TTC28: variants seen among roughly 807,000 people sequenced by gnomAD.
The protein encoded by TTC28 is tetratricopeptide repeat domain 28.
In TTC28, 61 loss-of-function variants were observed where a neutral mutation model predicts 198.0. The ratio of observed to expected loss-of-function variants is 0.31; its 90% CI spans 0.25 to 0.38. The LOEUF is 0.38. TTC28 is among the 10% of genes least tolerant of loss of function. The pLI is 1.00. For missense variants in TTC28, 2,678 were observed against 3,164.0 expected, an observed-to-expected ratio of 0.85 and a Z score of 3.69; for synonymous variants, 1,171 against 1,297.8, an observed-to-expected ratio of 0.90 and a Z score of 2.10.
At chr22:28,013,745 C>T (rs1388920910) in intron 14 of TTC28, among the ~76,000 whole-genome samples, 1 of 152,058 alleles carries the variant, frequency 6.6e-6, no homozygotes, top group African/African-American at 2.4e-5. Flanking sequence ...ACAGCCACGG[C>T]CACATCCCCG....
chr22:28,101,058 C>G, intron 9 of TTC28, 113 bp downstream of exon 9: 1 of 724,330 alleles, frequency 1.4e-6, no homozygotes, highest in South Asian at 2.2e-5. Context: ...CACATTAGCC[C>G]AAGGGTAGAA....
intron 5 of TTC28, among the ~76,000 whole-genome samples, chr22:28,269,737 G>A (rs1209800076): frequency 6.6e-6 from 1 of 152,136 alleles, no homozygotes; most frequent in African/African-American, 2.4e-5. Context: ...GGAGAGGAGG[G>A]GAGCCATGTG....
chr22:28,542,173 A>G (rs1396363729), intron 2 of TTC28, among the ~76,000 whole-genome samples: 2 of 152,150 alleles, frequency 1.3e-5, no homozygotes, highest in Non-Finnish European at 2.9e-5. Context: ...TTTTTTAATA[A>G]AAAATAAAAA....
intron 6 of TTC28, among the ~76,000 whole-genome samples, chr22:28,134,073 C>T (rs1943132843): frequency 6.6e-6 from 1 of 152,250 alleles, no homozygotes. Flanking sequence ...GCTCTGCAGC[C>T]TCCGCTGCTG....
rs534471277 is a variant in TTC28, at chr22:28,610,624, C to T, written c.381+18928G>A. Among the ~76,000 whole-genome samples, 24 of 152,252 alleles carry T rather than the reference C, an allele frequency of 1.6e-4. No homozygotes were observed. In the South Asian group the frequency reaches 2.7e-3, roughly 17 times the overall value. ...CCATGAAGATGGGGAGAAACCAGCACAAAAAGGCTGAAAATTCCAAAAACC... is the reference window on the plus strand; with the variant it reads ...CCATGAAGATGGGGAGAAACCAGCATAAAAAGGCTGAAAATTCCAAAAACC... On this transcript the variant is annotated intron_variant, in intron 2 of 22. Transcript: ENST00000397906.
chr22:28,101,756 G>A (rs1286117649), intron 8 of TTC28, among the ~76,000 whole-genome samples: 1 of 129,690 alleles, frequency 7.7e-6, no homozygotes, highest in South Asian at 2.4e-4. Context: ...ATCTAGCCTG[G>A]GCAACTTAGT....
intron 11 of TTC28, among the ~76,000 whole-genome samples, chr22:28,095,901 TAC>T (rs1239079449): frequency 1.3e-5 from 2 of 152,248 alleles, no homozygotes; most frequent in South Asian, 2.1e-4. Flanking sequence ...AACAGCTGCC[TAC>T]ACACAGGGCT....
intron 5 of TTC28, among the ~76,000 whole-genome samples, chr22:28,261,201 G>A (rs924216678): frequency 6.6e-6 from 1 of 152,118 alleles, no homozygotes; most frequent in Non-Finnish European, 1.5e-5. Context: ...CAGTATTCTA[G>A]GTTCTGGGTA....
intron 5 of TTC28, among the ~76,000 whole-genome samples, chr22:28,254,068 C>T (rs970968292): frequency 6.7e-6 from 1 of 149,260 alleles, no homozygotes; most frequent in African/African-American, 2.5e-5. Flanking sequence ...AACACCACTG[C>T]ACTCCAGCCT....
At chr22:28,608,005 T>C (rs1297332647) in intron 2 of TTC28, among the ~76,000 whole-genome samples, 4 of 152,212 alleles carry the variant, frequency 2.6e-5, no homozygotes, top group Non-Finnish European at 5.9e-5. Flanking sequence ...TCCAAAAATC[T>C]GCTCTTCCAC....
At chr22:28,248,534 A>AT (rs536700477) in intron 5 of TTC28, among the ~76,000 whole-genome samples, 2 of 151,782 alleles carry the variant, frequency 1.3e-5, no homozygotes, top group African/African-American at 4.8e-5. Flanking sequence ...TAAGTGGCTA[A>AT]TTTTTTTTTC....
rs1367650159 is a variant in TTC28, at chr22:28,107,677, A to G, written c.2168T>C (p.Ile723Thr). 3.2e-6 allele frequency: 5 copies of G among 1,551,632 alleles called. No individual in the cohort carries two copies. Among genetic ancestry groups the G allele is most frequent in the African/African-American group, 1.4e-5 (1 of 73,048 alleles). Residue 723 changes from isoleucine to threonine, a missense_variant, in exon 7 of 23, where the codon ATA becomes ACA. Ile to Thr is a moderately conservative substitution (Grantham distance 89, BLOSUM62 -1). Around this residue, in one of 8 missense-constraint regions of TTC28, gnomAD observed 775 missense variants for 845.9 expected, o/e 0.92. Transcript: ENST00000397906. ...ATTTATATCTTTTTTACAGATGAAT[A>G]TATCGCCCAGGTTTCCTAGGGCTCG... Reference protein sequence around the residue: ...KFRALGNLGDIFICKKDINGA... With the variant: ...KFRALGNLGDTFICKKDINGA...
chr22:28,604,353 A>G (rs910227202), intron 2 of TTC28, among the ~76,000 whole-genome samples: 2 of 147,170 alleles, frequency 1.4e-5, no homozygotes, highest in African/African-American at 5.0e-5. Context: ...AGTAGCTTTC[A>G]TAACTTTTTA....
chr22:28,264,152 G>C (rs1419988667), intron 5 of TTC28, among the ~76,000 whole-genome samples: 2 of 152,052 alleles, frequency 1.3e-5, no homozygotes, highest in Non-Finnish European at 2.9e-5. Flanking sequence ...GCTGGTGAGA[G>C]GTAACTGAAT....
At position 28,164,403 on chromosome 22, in the gene TTC28, C is replaced by T. The variant is rs946490299; in HGVS notation, c.934-804G>A. ...ACTGGGAGGCACCCTCCAGTAGGGG[C>T]GGACTGACACCTCACATGGCAGGGT... is the stretch of plus-strand genomic sequence containing the variant. On this transcript the variant is annotated intron_variant, in intron 5 of 22. Transcript: ENST00000397906. Among the ~76,000 whole-genome samples the T allele has an allele frequency of 3.0e-4, 46 of 152,230 alleles. 2 individuals are homozygous for T. The highest frequency in any genetic ancestry group is 6.2e-4 in the South Asian group (3 of 4,818).
chr22:28,359,574 A>C (rs1252001509), intron 2 of TTC28, among the ~76,000 whole-genome samples: 1 of 152,196 alleles, frequency 6.6e-6, no homozygotes, highest in Non-Finnish European at 1.5e-5. Flanking sequence ...GGAGGAAAAG[A>C]AAAATCCTTT....
intron 5 of TTC28, among the ~76,000 whole-genome samples, chr22:28,294,863 G>A (rs938832362): frequency 2.0e-5 from 3 of 152,130 alleles, no homozygotes; most frequent in African/African-American, 7.2e-5. Context: ...CACCGTGCCT[G>A]GCCAGCTCTT....
At chr22:28,276,593 G>A in intron 5 of TTC28, among the ~76,000 whole-genome samples, 1 of 152,178 alleles carries the variant, frequency 6.6e-6, no homozygotes, top group Non-Finnish European at 1.5e-5. Flanking sequence ...GATTAGGGAT[G>A]ATAGTCATGG....
At chr22:28,030,741 G>A (rs1939041540) in intron 12 of TTC28, among the ~76,000 whole-genome samples, 1 of 152,260 alleles carries the variant, frequency 6.6e-6, no homozygotes, top group Non-Finnish European at 1.5e-5. Flanking sequence ...GTACAGCTGA[G>A]GCAAGTGCAG....
Sources: allele counts gnomAD v4.1 joint callset (sites outside exome capture counted in the v4.1 genomes callset), GRCh38; gene constraint gnomAD v4.1.1; regional missense constraint gnomAD v4.1.1; transcripts MANE v1.5; gene names NCBI Gene and HGNC (gene_info 2026-07-23, HGNC 2026-07-21).